UNC5C: variants seen among roughly 807,000 people sequenced by gnomAD.
The protein encoded by UNC5C is netrin receptor UNC5C.
Under a neutral mutation model 99.8 loss-of-function variants are expected in UNC5C, and 47 were observed. That is an observed-to-expected ratio of 0.47 (90% CI 0.37 to 0.60). UNC5C has a LOEUF of 0.60. UNC5C is among the 20% of genes least tolerant of loss of function. UNC5C has a pLI of 0.00. For missense variants in UNC5C, 1,062 were observed against 1,165.9 expected (o/e 0.91, Z 1.30); for synonymous variants, 487 against 452.2 (o/e 1.08, Z -0.98).
intron 1 of UNC5C, among the ~76,000 whole-genome samples, chr4:95,444,611 G>A (rs992575571): frequency 1.3e-5 from 2 of 152,154 alleles, no homozygotes; most frequent in Non-Finnish European, 2.9e-5. Flanking sequence ...GATTACAGGC[G>A]TGAGGCACCG....
At chr4:95,314,363 G>A (rs1295554666) in intron 2 of UNC5C, among the ~76,000 whole-genome samples, 2 of 152,134 alleles carry the variant, frequency 1.3e-5, no homozygotes, top group Admixed American at 6.6e-5. Context: ...AAGCCACCTG[G>A]AATTTTACTA....
intron 9 of UNC5C, among the ~76,000 whole-genome samples, chr4:95,216,457 A>G (rs1738254070): frequency 1.3e-5 from 2 of 152,198 alleles, no homozygotes; most frequent in South Asian, 4.1e-4. Flanking sequence ...GAACAGACAG[A>G]TGGTTCCACT....
At chr4:95,454,126 T>C (rs952213606) in intron 1 of UNC5C, among the ~76,000 whole-genome samples, 1 of 152,022 alleles carries the variant, frequency 6.6e-6, no homozygotes, top group Non-Finnish European at 1.5e-5. Context: ...AACCACTCAA[T>C]TTCACCCTTT....
intron 1 of UNC5C, among the ~76,000 whole-genome samples, chr4:95,536,384 TA>T (rs1722783999): frequency 6.6e-6 from 1 of 152,084 alleles, no homozygotes; most frequent in African/African-American, 2.4e-5. Flanking sequence ...CCACTCAATA[TA>T]TTTTTTTTTA....
At chr4:95,373,331 T>A (rs1744800940) in intron 1 of UNC5C, among the ~76,000 whole-genome samples, 1 of 152,108 alleles carries the variant, frequency 6.6e-6, no homozygotes, top group African/African-American at 2.4e-5. Flanking sequence ...ATTTTCTCCC[T>A]CCCATAATCT....
chr4:95,266,519 T>G (rs1014422169), intron 4 of UNC5C, among the ~76,000 whole-genome samples: 7 of 152,222 alleles, frequency 4.6e-5, no homozygotes, highest in Non-Finnish European at 8.8e-5. Flanking sequence ...TCCCTACTTG[T>G]GTGCAGTGTG....
chr4:95,377,615 G>GT (rs1744935379), intron 1 of UNC5C, among the ~76,000 whole-genome samples: 1 of 152,064 alleles, frequency 6.6e-6, no homozygotes, highest in Non-Finnish European at 1.5e-5. Flanking sequence ...TAGGTAATGG[G>GT]TTTTAATGAT....
intron 12 of UNC5C, among the ~76,000 whole-genome samples, chr4:95,200,895 C>T (rs963440748): frequency 6.6e-6 from 1 of 151,846 alleles, no homozygotes; most frequent in African/African-American, 2.4e-5. Context: ...GTAATCCTAA[C>T]CCCCAGTGTG....
At chr4:95,474,587 C>T (rs994831660) in intron 1 of UNC5C, among the ~76,000 whole-genome samples, 9 of 152,028 alleles carry the variant, frequency 5.9e-5, no homozygotes, top group Admixed American at 2.0e-4. Flanking sequence ...TGTGCCTCGC[C>T]TATGGTACAT....
intron 1 of UNC5C, among the ~76,000 whole-genome samples, chr4:95,336,016 T>C (rs1236060134): frequency 1.3e-5 from 2 of 151,888 alleles, no homozygotes; most frequent in Admixed American, 6.6e-5. Flanking sequence ...ATTAGAAACA[T>C]GTATTTGAAA....
intron 1 of UNC5C, among the ~76,000 whole-genome samples, chr4:95,411,789 C>T (rs996863732): frequency 6.6e-6 from 1 of 152,120 alleles, no homozygotes; most frequent in South Asian, 2.1e-4. Flanking sequence ...TGATGGATTT[C>T]AGCAGGGGTA....
chr4:95,191,760 C>T (rs994252395), intron 12 of UNC5C, among the ~76,000 whole-genome samples: 1 of 149,576 alleles, frequency 6.7e-6, no homozygotes. Flanking sequence ...TGCTTACCCT[C>T]CTCCCCTGCT....
At chr4:95,182,334 T>C (rs539997489) in intron 14 of UNC5C, among the ~76,000 whole-genome samples, 2 of 152,224 alleles carry the variant, frequency 1.3e-5, no homozygotes, top group East Asian at 3.9e-4. Flanking sequence ...CGGAGGAAAG[T>C]GTATCTCTCT....
intron 1 of UNC5C, among the ~76,000 whole-genome samples, chr4:95,528,491 A>G (rs1722554250): frequency 6.6e-6 from 1 of 152,208 alleles, no homozygotes; most frequent in Admixed American, 6.5e-5. Flanking sequence ...CAAAATCCAA[A>G]CAAGTTTTAA....
chr4:95,231,997 G>A (rs1738931263), intron 7 of UNC5C, among the ~76,000 whole-genome samples: 4 of 152,264 alleles, frequency 2.6e-5, no homozygotes, highest in Admixed American at 2.0e-4. Flanking sequence ...CACTAAGCTG[G>A]TTCATAGCCC....
chr4:95,394,842 AACTT>A (rs1289395629), intron 1 of UNC5C, among the ~76,000 whole-genome samples: 2 of 151,888 alleles, frequency 1.3e-5, no homozygotes, highest in Non-Finnish European at 2.9e-5. Flanking sequence ...AAAAAAAAAT[AACTT>A]CACTCTCCTC....
At chr4:95,482,264 A>G (rs1721180593) in intron 1 of UNC5C, among the ~76,000 whole-genome samples, 1 of 151,784 alleles carries the variant, frequency 6.6e-6, no homozygotes, top group African/African-American at 2.4e-5. Context: ...AAAAATGCTC[A>G]CCATCACTGG....
intron 7 of UNC5C, 31 bp downstream of exon 7, chr4:95,242,398 C>T (rs772047573): frequency 3.8e-4 from 617 of 1,613,278 alleles, no homozygotes; most frequent in Non-Finnish European, 4.3e-4. Flanking sequence ...CCAGCCCCCT[C>T]AATGTCTGCA....
At chr4:95,453,181 C>A (rs1747324648) in intron 1 of UNC5C, among the ~76,000 whole-genome samples, 1 of 152,004 alleles carries the variant, frequency 6.6e-6, no homozygotes, top group South Asian at 2.1e-4. Context: ...ATGCTTTGGG[C>A]AAGGTGCTGG....
Sources: allele counts gnomAD v4.1 joint callset (sites outside exome capture counted in the v4.1 genomes callset), GRCh38; gene constraint gnomAD v4.1.1; transcripts MANE v1.5; gene names NCBI Gene and HGNC (gene_info 2026-07-23, HGNC 2026-07-21).